Variants in SCD5 observed in about 807,000 individuals in gnomAD.
The protein encoded by SCD5 is stearoyl-CoA desaturase 5.
SCD5 carries 20 observed loss-of-function variants against 30.4 expected under a neutral mutation model. That is an observed-to-expected ratio of 0.66 (90% confidence interval 0.46 to 0.96). The LOEUF (loss-of-function observed/expected upper bound fraction) is 0.96. SCD5 is among the 40% of genes least tolerant of loss of function. The probability of loss-of-function intolerance (pLI) is 0.00; values close to 1 mark genes in which losing one functional copy is unlikely to be tolerated. For missense variants in SCD5, 381 were observed against 443.3 expected (o/e 0.86, Z 1.26); for synonymous variants, 173 against 176.4 (o/e 0.98, Z 0.16).
intron 2 of SCD5, among the ~76,000 whole-genome samples, chr4:82,700,787 TAAAAAAAAAAAAAA>T (rs70938305): frequency 6.3e-5 from 4 of 63,772 alleles, no homozygotes; most frequent in African/African-American, 2.0e-4. Context: ...ACCCTGTCTC[TAAAAAAAAAAAAAA>T]AAAAAAAAAA....
chr4:82,649,181 G>T (rs1338983458), intron 3 of SCD5, among the ~76,000 whole-genome samples: 1 of 9,950 alleles, frequency 1.0e-4, no homozygotes, highest in Non-Finnish European at 1.4e-4. Context: ...GGTGAGAGGG[G>T]TGTGTGTGTG....
intron 1 of SCD5, among the ~76,000 whole-genome samples, chr4:82,786,073 T>A (rs1721979989): frequency 6.6e-6 from 1 of 152,208 alleles, no homozygotes; most frequent in Non-Finnish European, 1.5e-5. Flanking sequence ...AGTTTGAAAG[T>A]AAGAATATTT....
chr4:82,748,021 T>G (rs1392458519), intron 1 of SCD5, among the ~76,000 whole-genome samples: 1 of 152,084 alleles, frequency 6.6e-6, no homozygotes, highest in Non-Finnish European at 1.5e-5. Flanking sequence ...AGGAAAAAAA[T>G]GAATTACTTG....
At chr4:82,683,027 G>C (rs1728614653) in intron 2 of SCD5, among the ~76,000 whole-genome samples, 1 of 152,154 alleles carries the variant, frequency 6.6e-6, no homozygotes, top group Admixed American at 6.5e-5. Flanking sequence ...CGTTGGCCAG[G>C]CTGGTCGAAA....
intron 1 of SCD5, among the ~76,000 whole-genome samples, chr4:82,791,676 C>G (rs1722101796): frequency 6.6e-6 from 1 of 152,054 alleles, no homozygotes; most frequent in African/African-American, 2.4e-5. Flanking sequence ...TTGTTACACC[C>G]AAGGTTGTGG....
At chr4:82,736,664 T>C (rs1720759458) in intron 1 of SCD5, among the ~76,000 whole-genome samples, 3 of 151,992 alleles carry the variant, frequency 2.0e-5, no homozygotes, top group East Asian at 1.9e-4. Flanking sequence ...CAACATACTT[T>C]TGGGGTTTCT....
At chr4:82,755,970 A>G (rs975159111) in intron 1 of SCD5, among the ~76,000 whole-genome samples, 13 of 152,368 alleles carry the variant, frequency 8.5e-5, no homozygotes, top group Admixed American at 8.5e-4. Flanking sequence ...CTGCACCACC[A>G]GAATTTGTTT....
At chr4:82,769,748 T>A (rs1721576803) in intron 1 of SCD5, among the ~76,000 whole-genome samples, 2 of 152,204 alleles carry the variant, frequency 1.3e-5, no homozygotes, top group Non-Finnish European at 2.9e-5. Context: ...GTCTCTGACT[T>A]ACTCTGAATG....
chr4:82,715,672 C>CT (rs11384758), intron 1 of SCD5, among the ~76,000 whole-genome samples: 92,412 of 151,438 alleles, frequency 0.61, 30,184 homozygotes, highest in African/African-American at 0.84. Flanking sequence ...TGGCTTATAC[C>CT]TCATGCCTTG....
intron 1 of SCD5, among the ~76,000 whole-genome samples, chr4:82,724,658 A>C (rs549800797): frequency 6.6e-6 from 1 of 152,326 alleles, no homozygotes; most frequent in East Asian, 1.9e-4. Context: ...ATGCTTTCTG[A>C]GTCTGTTTCC....
At chr4:82,784,958 A>G (rs1318856043) in intron 1 of SCD5, among the ~76,000 whole-genome samples, 1 of 152,176 alleles carries the variant, frequency 6.6e-6, no homozygotes, top group Non-Finnish European at 1.5e-5. Flanking sequence ...TCAACATTTT[A>G]ACAACTAGTA....
At chr4:82,632,750 C>G (rs1296733394) in intron 4 of SCD5, among the ~76,000 whole-genome samples, 3 of 142,226 alleles carry the variant, frequency 2.1e-5, no homozygotes, top group African/African-American at 5.0e-5. Context: ...GAGATGGTAT[C>G]TCATTGTGGT....
chr4:82,646,516 T>A (rs1031230433), intron 3 of SCD5, among the ~76,000 whole-genome samples: 1 of 152,252 alleles, frequency 6.6e-6, no homozygotes, highest in Non-Finnish European at 1.5e-5. Context: ...CTCTCCTGTG[T>A]GCAGTGTCTT....
At position 82,631,192 on chromosome 4, in the gene SCD5, C is replaced by A; in HGVS notation, c.*135G>T. The A allele has an allele frequency of 8.1e-6, 5 of 616,540 alleles. No homozygotes were observed. Among genetic ancestry groups the A allele is most frequent in the South Asian group, 3.7e-5 (1 of 26,682 alleles). The allele number at this position is 616,540 out of a possible 1,614,324, so 38.2% of individuals were successfully genotyped here. A position where few individuals can be genotyped will look rare whatever the true frequency, so the allele number is the denominator to read the frequency against. ...AACATTATTTTGAGATAAACAAAAA[C>A]ATTCCCAAACCACATTGACTCGTTC... is the stretch of plus-strand genomic sequence containing the variant. On this transcript the variant is annotated 3_prime_UTR_variant, in exon 5 of 5. Coordinates refer to ENST00000319540, the MANE Select transcript of SCD5 (RefSeq NM_001037582.3).
chr4:82,714,303 TAA>T (rs911888137), intron 1 of SCD5, among the ~76,000 whole-genome samples: 12 of 152,216 alleles, frequency 7.9e-5, no homozygotes, highest in African/African-American at 2.4e-4. Context: ...CATTCTCTCT[TAA>T]ACCCACTCAA....
intron 3 of SCD5, among the ~76,000 whole-genome samples, chr4:82,664,443 G>GA (rs1491333442): frequency 5.9e-3 from 5 of 852 alleles, no homozygotes; most frequent in African/African-American, 0.028. Context: ...AAAAGTGCAA[G>GA]GGGGGGGGAA....
intron 1 of SCD5, among the ~76,000 whole-genome samples, chr4:82,746,816 C>T (rs917631218): frequency 1.3e-4 from 20 of 152,160 alleles, no homozygotes; most frequent in Admixed American, 6.5e-5. Flanking sequence ...CTTGGTCCTG[C>T]GCCCATGGAC....
intron 1 of SCD5, among the ~76,000 whole-genome samples, chr4:82,711,438 G>C (rs548178855): frequency 4.6e-5 from 7 of 152,316 alleles, no homozygotes; most frequent in African/African-American, 1.7e-4. Flanking sequence ...ATCCAGGATG[G>C]CGCGGTGGCT....
At position 82,636,807 on chromosome 4, in the gene SCD5, C is replaced by T. The variant is rs757673046; in HGVS notation, c.586G>A (p.Val196Met). Residue 196 changes from valine to methionine, a missense_variant, in exon 4 of 5, where the codon GTG becomes ATG. Physicochemically the swap from Val to Met is conservative, Grantham distance 21. Transcript: ENST00000319540. ...GGGACCACAAAGCACATGAGCACCA[C>T]GGAGATCTTATAGTACCTACAGGGC... is the stretch of plus-strand genomic sequence containing the variant. ...RIQRKYYKIS[V>M]VLMCFVVPTL... 1.2e-5 allele frequency: 19 copies of T among 1,612,790 alleles called. No homozygotes were observed. The highest frequency in any genetic ancestry group is 2.2e-5 in the East Asian group (1 of 44,870).
Sources: allele counts gnomAD v4.1 joint callset (sites outside exome capture counted in the v4.1 genomes callset), GRCh38; gene constraint gnomAD v4.1.1; transcripts MANE v1.5; gene names NCBI Gene and HGNC (gene_info 2026-07-23, HGNC 2026-07-21).